Variants in EFCAB11 observed in about 807,000 individuals in gnomAD.
EFCAB11 encodes the protein EF-hand calcium-binding domain-containing protein 11.
A neutral mutation model predicts 23.0 loss-of-function variants in EFCAB11; 14 were observed. The ratio of observed to expected loss-of-function variants is 0.61; its 90% CI spans 0.40 to 0.95. The LOEUF (loss-of-function observed/expected upper bound fraction) is 0.95, where lower values mean the gene tolerates loss of function less well. Ranked by LOEUF, EFCAB11 falls within the 40% of genes least tolerant of loss-of-function variation. The probability of loss-of-function intolerance (pLI) is 0.00; values close to 1 mark genes in which losing one functional copy is unlikely to be tolerated. For synonymous variants in EFCAB11, 65 were observed against 66.6 expected (o/e 0.98, Z 0.11); for missense variants, 198 against 195.8 (o/e 1.01, Z -0.07).
rs765155097 is a variant in EFCAB11, at chr14:89,932,531, G to T, written c.314C>A (p.Thr105Asn). 17 of 1,612,818 alleles carry T rather than the reference G, an allele frequency of 1.1e-5. No homozygotes were observed. Among genetic ancestry groups the T allele is most frequent in the Non-Finnish European group, 1.3e-5 (15 of 1,179,326 alleles). The change falls in exon 4 of 6, where the codon ACC becomes AAC. Residue 105 changes from threonine to asparagine, a missense_variant. Coordinates refer to ENST00000316738, the MANE Select transcript of EFCAB11 (RefSeq NM_145231.4). ...AACACTTTAGAGACACTTACAGTAG[G>T]TGTCAAAGGCTGTGAAGATGTGTCT... Reference protein sequence around the residue: ...EVRHIFTAFDTYYRGFLTLED... With the variant: ...EVRHIFTAFDNYYRGFLTLED...
chr14:89,923,137 C>T (rs1345151062), intron 5 of EFCAB11, among the ~76,000 whole-genome samples: 2 of 152,200 alleles, frequency 1.3e-5, no homozygotes, highest in East Asian at 3.8e-4. Flanking sequence ...TCTCTACTTG[C>T]TTCCTGGTCC....
At chr14:89,820,198 T>C (rs1886463742) in intron 5 of EFCAB11, among the ~76,000 whole-genome samples, 1 of 152,088 alleles carries the variant, frequency 6.6e-6, no homozygotes. Flanking sequence ...GGATTACAGG[T>C]GTTTAAGTGC....
intron 5 of EFCAB11, among the ~76,000 whole-genome samples, chr14:89,857,754 T>G (rs1253256398): frequency 6.6e-6 from 1 of 152,316 alleles, no homozygotes; most frequent in East Asian, 1.9e-4. Flanking sequence ...TCAGAAACAA[T>G]AAGTTCTGAA....
intron 5 of EFCAB11, among the ~76,000 whole-genome samples, chr14:89,914,689 G>A (rs1450412606): frequency 3.9e-5 from 6 of 152,052 alleles, no homozygotes; most frequent in Non-Finnish European, 8.8e-5. Context: ...GGAAGCTTAG[G>A]TATGAGAATC....
intron 5 of EFCAB11, among the ~76,000 whole-genome samples, chr14:89,871,141 G>C (rs2140162809): frequency 6.6e-6 from 1 of 152,162 alleles, no homozygotes; most frequent in South Asian, 2.1e-4. Flanking sequence ...AAATCTTTGA[G>C]ACCTTTAACT....
At chr14:89,895,147 T>C (rs547961504) in intron 5 of EFCAB11, among the ~76,000 whole-genome samples, 3 of 152,254 alleles carry the variant, frequency 2.0e-5, no homozygotes, top group African/African-American at 7.2e-5. Flanking sequence ...GGTTGGCATA[T>C]AAGAAATACA....
rs1885558659 is a variant in EFCAB11 at position 89,795,806 on chromosome 14, A to T, written c.*1437T>A. The T allele has an allele frequency of 1.3e-5, 2 of 152,232 alleles. No individual in the cohort carries two copies. The highest frequency in any genetic ancestry group is 4.8e-5 in the African/African-American group (2 of 41,462). The allele number at this position is 152,232 out of a possible 1,614,324, so 9.4% of individuals were successfully genotyped here. A position where few individuals can be genotyped will look rare whatever the true frequency, so the allele number is the denominator to read the frequency against. On this transcript the variant is annotated 3_prime_UTR_variant, in exon 6 of 6. Coordinates refer to ENST00000316738, the MANE Select transcript of EFCAB11 (RefSeq NM_145231.4). Reference sequence around the variant, plus strand: ...TAACACTTAAAAAGTGAATTATATTAAAAGTTCTTTGACTAATGTTCATGT... The same window carrying T: ...TAACACTTAAAAAGTGAATTATATTTAAAGTTCTTTGACTAATGTTCATGT...
chr14:89,954,359 A>T (rs1026160187), intron 1 of EFCAB11: 2 of 1,536,134 alleles, frequency 1.3e-6, no homozygotes, highest in Admixed American at 3.9e-5. Flanking sequence ...GGTTACCATT[A>T]ATAGACTATA....
chr14:89,906,488 A>G (rs1889505177), intron 5 of EFCAB11, among the ~76,000 whole-genome samples: 1 of 152,198 alleles, frequency 6.6e-6, no homozygotes, highest in East Asian at 1.9e-4. Flanking sequence ...TGAAACTAGT[A>G]TGTCAGCTGA....
At chr14:89,825,185 A>G (rs1886649803) in intron 5 of EFCAB11, among the ~76,000 whole-genome samples, 1 of 152,076 alleles carries the variant, frequency 6.6e-6, no homozygotes, top group Admixed American at 6.5e-5. Flanking sequence ...ATCAATAACC[A>G]AAAAATTGGG....
intron 5 of EFCAB11, among the ~76,000 whole-genome samples, chr14:89,846,206 T>C (rs973059194): frequency 2.6e-5 from 4 of 152,232 alleles, no homozygotes; most frequent in Admixed American, 2.6e-4. Context: ...ATTAGCATTA[T>C]GCTTCTGAAA....
chr14:89,938,982 A>C (rs1361669903), intron 3 of EFCAB11, among the ~76,000 whole-genome samples: 1 of 152,010 alleles, frequency 6.6e-6, no homozygotes, highest in Admixed American at 6.6e-5. Context: ...AAAAAAAAAA[A>C]AAAAAACCAG....
chr14:89,866,064 C>T (rs1022028633), intron 5 of EFCAB11, among the ~76,000 whole-genome samples: 1 of 152,072 alleles, frequency 6.6e-6, no homozygotes, highest in African/African-American at 2.4e-5. Context: ...GGATTACAGG[C>T]ATGAGTCACC....
intron 5 of EFCAB11, among the ~76,000 whole-genome samples, chr14:89,854,921 G>A (rs192371463): frequency 6.6e-6 from 1 of 152,268 alleles, no homozygotes; most frequent in Non-Finnish European, 1.5e-5. Context: ...GAGTGATCAG[G>A]AAGTCTCAGT....
At chr14:89,951,434 C>T (rs1423403796) in intron 2 of EFCAB11, among the ~76,000 whole-genome samples, 4 of 152,126 alleles carry the variant, frequency 2.6e-5, no homozygotes, top group African/African-American at 4.8e-5. Context: ...TAGAATTAGG[C>T]CTTCCTTCTT....
At chr14:89,892,289 C>A in intron 5 of EFCAB11, 1 of 1,613,858 alleles carries the variant, frequency 6.2e-7, no homozygotes, top group Non-Finnish European at 8.5e-7. Context: ...CAATGTGGAC[C>A]TGGCCTTTGA....
intron 5 of EFCAB11, among the ~76,000 whole-genome samples, chr14:89,893,929 T>C (rs1889073087): frequency 6.6e-6 from 1 of 152,000 alleles, no homozygotes; most frequent in Non-Finnish European, 1.5e-5. Context: ...AAAAATAACA[T>C]CTCAATAGAT....
intron 5 of EFCAB11, among the ~76,000 whole-genome samples, chr14:89,803,911 A>C (rs1438079870): frequency 2.0e-5 from 3 of 152,230 alleles, no homozygotes; most frequent in Non-Finnish European, 4.4e-5. Context: ...ACCTTTTTAA[A>C]GACATGTGTT....
intron 5 of EFCAB11, among the ~76,000 whole-genome samples, chr14:89,854,897 T>C (rs540396427): frequency 8.5e-5 from 13 of 152,288 alleles, no homozygotes; most frequent in African/African-American, 1.2e-4. Context: ...GACTCTTGCA[T>C]TGGGGCCTCT....
Sources: allele counts gnomAD v4.1 joint callset (sites outside exome capture counted in the v4.1 genomes callset), GRCh38; gene constraint gnomAD v4.1.1; transcripts MANE v1.5; gene names NCBI Gene and HGNC (gene_info 2026-07-23, HGNC 2026-07-21).